RASGRF1: variants seen among roughly 807,000 people sequenced by gnomAD.
RASGRF1 encodes the protein ras-specific guanine nucleotide-releasing factor 1.
Under a neutral mutation model 138.7 loss-of-function variants are expected in RASGRF1, and 40 were observed. The observed-to-expected ratio is 0.29, with a 90% CI of 0.22 to 0.38. The LOEUF (loss-of-function observed/expected upper bound fraction) is 0.38, where lower values mean the gene tolerates loss of function less well. RASGRF1 is among the 10% of genes least tolerant of loss of function. The pLI is 1.00. For synonymous variants in RASGRF1, 614 were observed against 663.2 expected, an observed-to-expected ratio of 0.93 and a Z score of 1.14; for missense variants, 1,108 against 1,650.4, an observed-to-expected ratio of 0.67 and a Z score of 5.69.
intron 5 of RASGRF1, among the ~76,000 whole-genome samples, chr15:79,037,620 G>A (rs2057240386): frequency 6.6e-6 from 1 of 151,698 alleles, no homozygotes; most frequent in African/African-American, 2.4e-5. Context: ...CAGCATGCCA[G>A]GCTAATTTTT....
intron 12 of RASGRF1, among the ~76,000 whole-genome samples, chr15:79,016,835 C>T (rs991101347): frequency 3.3e-5 from 5 of 152,174 alleles, no homozygotes; most frequent in Admixed American, 1.3e-4. Flanking sequence ...CAAGGGAAGC[C>T]GTCCTAGGTC....
In RASGRF1 at chr15:79,064,529, G is replaced by A. The variant is rs1395087739; in HGVS notation, c.277-3C>T. The A allele has an allele frequency of 6.2e-7, 1 of 1,608,978 alleles. No homozygotes were observed. The highest frequency in any genetic ancestry group is 1.3e-5 in the African/African-American group (1 of 74,880). On this transcript the variant is annotated splice_polypyrimidine_tract_variant and splice_region_variant and intron_variant, in intron 1 of 26. Transcript: ENST00000558480. ...CTGAAGTTCACCGTGAAGTAATGCT[G>A]TATCAAGAAGAAGACATCTCCAATT... is the stretch of plus-strand genomic sequence containing the variant.
At chr15:79,036,303 G>C (rs2057221518) in intron 5 of RASGRF1, among the ~76,000 whole-genome samples, 1 of 152,232 alleles carries the variant, frequency 6.6e-6, no homozygotes, top group Admixed American at 6.5e-5. Context: ...CCCAGAGAGA[G>C]AAAGTGAGTA....
chr15:78,990,475 C>T, intron 21 of RASGRF1, among the ~76,000 whole-genome samples: 1 of 152,208 alleles, frequency 6.6e-6, no homozygotes, highest in East Asian at 1.9e-4. Flanking sequence ...CCAGACAAAC[C>T]CTTTATAGCT....
rs780605433 is a variant in RASGRF1, at chr15:78,995,761, C to T, written c.3006G>A (p.Thr1002=). The T allele has an allele frequency of 8.7e-6, 14 of 1,614,046 alleles. No individual in the cohort carries two copies. Among genetic ancestry groups the T allele is most frequent in the South Asian group, 1.1e-5 (1 of 91,082 alleles). Residue 1002 remains threonine (T), a synonymous_variant, in exon 20 of 27, where the codon ACG becomes ACA. Coordinates refer to ENST00000558480, the MANE Select transcript of RASGRF1 (RefSeq NM_001145648.3). The part of the protein sequence containing the change: ...TQEDPGDNQI[T]LEEITQMAEG... ...TCACCATCTGCGTGATCTCCTCCAGCGTGATCTGGTTGTCACCTGGGTCCT... is the reference window on the plus strand; with the variant it reads ...TCACCATCTGCGTGATCTCCTCCAGTGTGATCTGGTTGTCACCTGGGTCCT...
intron 22 of RASGRF1, among the ~76,000 whole-genome samples, chr15:78,986,557 C>T (rs1343380207): frequency 4.6e-5 from 7 of 151,844 alleles, no homozygotes; most frequent in Admixed American, 2.0e-4. Flanking sequence ...ATGTTGGCCA[C>T]GCTGGTCTCG....
intron 2 of RASGRF1, among the ~76,000 whole-genome samples, chr15:79,062,857 T>C (rs936203476): frequency 6.6e-6 from 1 of 152,080 alleles, no homozygotes; most frequent in Non-Finnish European, 1.5e-5. Flanking sequence ...CTCATCTACT[T>C]TATGACACCC....
intron 26 of RASGRF1, among the ~76,000 whole-genome samples, chr15:78,970,291 T>G (rs2055726113): frequency 6.6e-6 from 1 of 151,976 alleles, no homozygotes; most frequent in African/African-American, 2.4e-5. Context: ...GAGGCTGAGG[T>G]GAGTGGATCA....
chr15:78,967,130 A>C (rs145461435), intron 26 of RASGRF1, among the ~76,000 whole-genome samples: 1,627 of 152,132 alleles, frequency 0.011, 22 homozygotes, highest in African/African-American at 0.035. Context: ...TCTATAAAAA[A>C]ATAAAAAATT....
In RASGRF1 at chr15:79,046,691, C is replaced by T. The variant is rs931281199; in HGVS notation, c.878+55G>A. ...GAGAGAGTGTGTCAAAGCTTAGCTG[C>T]GGCCAATGCTCACTAGTCTCCTTCC... On this transcript the variant is annotated intron_variant, in intron 5 of 26. Coordinates refer to ENST00000558480, the MANE Select transcript of RASGRF1 (RefSeq NM_001145648.3). The surrounding 1 kb of genome is among the most constrained non-coding windows in gnomAD (Gnocchi z 5.3). 2.2e-5 allele frequency: 35 copies of T among 1,597,572 alleles called. No homozygotes were observed. The highest frequency in any genetic ancestry group is 1.7e-4 in the Middle Eastern group (1 of 6,038).
At chr15:79,024,895 C>T (rs2057022831) in intron 10 of RASGRF1, among the ~76,000 whole-genome samples, 1 of 150,402 alleles carries the variant, frequency 6.6e-6, no homozygotes, top group Non-Finnish European at 1.5e-5. Flanking sequence ...ACACACCACG[C>T]ACACATACAC....
chr15:79,047,553 G>T (rs2057371552), intron 4 of RASGRF1, among the ~76,000 whole-genome samples: 1 of 152,200 alleles, frequency 6.6e-6, no homozygotes, highest in Non-Finnish European at 1.5e-5. Context: ...AACGGAACAT[G>T]GAAAATTAGT....
At chr15:78,978,132 C>T (rs988825707) in intron 24 of RASGRF1, among the ~76,000 whole-genome samples, 4 of 151,460 alleles carry the variant, frequency 2.6e-5, no homozygotes, top group African/African-American at 4.9e-5. Context: ...GGTGAAGTCT[C>T]GGCTGGGAAA....
chr15:79,080,277 G>A (rs1392251624), intron 1 of RASGRF1, among the ~76,000 whole-genome samples: 6 of 152,292 alleles, frequency 3.9e-5, no homozygotes, highest in Non-Finnish European at 8.8e-5. Context: ...ATTCCTTGCT[G>A]CCTGCAGATG....
At chr15:79,009,960 T>C (rs1044262385) in intron 13 of RASGRF1, among the ~76,000 whole-genome samples, 3 of 151,772 alleles carry the variant, frequency 2.0e-5, no homozygotes, top group Non-Finnish European at 4.4e-5. Flanking sequence ...CCTGACCTTG[T>C]GATCTGCCCA....
chr15:79,081,539 G>C (rs1232216377), intron 1 of RASGRF1, among the ~76,000 whole-genome samples: 1 of 152,186 alleles, frequency 6.6e-6, no homozygotes, highest in African/African-American at 2.4e-5. Flanking sequence ...TAGCACACAG[G>C]CTTTTAGGGC....
chr15:79,020,961 C>T (rs1311731033), intron 10 of RASGRF1, among the ~76,000 whole-genome samples: 4 of 152,328 alleles, frequency 2.6e-5, no homozygotes, highest in Admixed American at 6.5e-5. Context: ...CTGTCTCTTG[C>T]ATCACCTGTT....
At chr15:79,035,867 C>A (rs1221337043) in intron 5 of RASGRF1, among the ~76,000 whole-genome samples, 1 of 152,226 alleles carries the variant, frequency 6.6e-6, no homozygotes, top group Non-Finnish European at 1.5e-5. Flanking sequence ...CCAGTGACCG[C>A]CCCCGCTGTT....
At chr15:78,994,708 A>T (rs755557914) in intron 20 of RASGRF1, among the ~76,000 whole-genome samples, 2 of 152,004 alleles carry the variant, frequency 1.3e-5, no homozygotes, top group South Asian at 2.1e-4. Flanking sequence ...ATGAGCTTGG[A>T]TTTGTTCATG....
Sources: allele counts gnomAD v4.1 joint callset (sites outside exome capture counted in the v4.1 genomes callset), GRCh38; gene constraint gnomAD v4.1.1; non-coding constraint Gnocchi (gnomAD v3.1); transcripts MANE v1.5; gene names NCBI Gene and HGNC (gene_info 2026-07-23, HGNC 2026-07-21).